NDUFAF2: variants seen among roughly 807,000 people sequenced by gnomAD.
NDUFAF2 encodes NADH:ubiquinone oxidoreductase complex assembly factor 2.
In NDUFAF2, 13 loss-of-function variants were observed where a neutral mutation model predicts 22.8. That is an observed-to-expected ratio of 0.57 (90% confidence interval 0.37 to 0.91). The LOEUF is 0.91. NDUFAF2 is among the 40% of genes least tolerant of loss of function. The pLI, the probability that NDUFAF2 is intolerant of heterozygous loss-of-function variation, is 0.01. For missense variants in NDUFAF2, 162 were observed against 195.2 expected, an observed-to-expected ratio of 0.83 and a Z score of 1.01; for synonymous variants, 53 against 64.2, an observed-to-expected ratio of 0.83 and a Z score of 0.84.
At chr5:61,018,484 CAGA>C (rs1199927718) in intron 1 of NDUFAF2, among the ~76,000 whole-genome samples, 2 of 152,026 alleles carry the variant, frequency 1.3e-5, no homozygotes, top group East Asian at 1.9e-4. Flanking sequence ...GAACTGTGCC[CAGA>C]AGATTATTAA....
intron 1 of NDUFAF2, among the ~76,000 whole-genome samples, chr5:60,961,961 T>TAA (rs539647979): frequency 2.0e-4 from 29 of 142,640 alleles, no homozygotes; most frequent in African/African-American, 6.9e-4. Context: ...ACTCTTTCTC[T>TAA]AAAAAAAAAA....
chr5:61,060,074 G>C (rs559958543), intron 1 of NDUFAF2, among the ~76,000 whole-genome samples: 10 of 152,236 alleles, frequency 6.6e-5, no homozygotes, highest in African/African-American at 2.2e-4. Flanking sequence ...TTAATCAGCT[G>C]TGAACATTTG....
chr5:60,954,769 T>A (rs578111290), intron 1 of NDUFAF2, among the ~76,000 whole-genome samples: 3 of 151,922 alleles, frequency 2.0e-5, no homozygotes, highest in African/African-American at 7.2e-5. Context: ...TTTTAAATAG[T>A]AGCCATCCTA....
chr5:60,950,485 A>C (rs1750529698), intron 1 of NDUFAF2, among the ~76,000 whole-genome samples: 1 of 152,056 alleles, frequency 6.6e-6, no homozygotes, highest in Non-Finnish European at 1.5e-5. Context: ...ACGCCTGGCC[A>C]CTACTCTTTC....
chr5:61,117,987 T>C (rs1421278271), intron 3 of NDUFAF2, among the ~76,000 whole-genome samples: 2 of 152,220 alleles, frequency 1.3e-5, no homozygotes, highest in Admixed American at 6.5e-5. Flanking sequence ...ACACAAAGAC[T>C]TCCTATGGGA....
chr5:61,071,871 C>G (rs2111730269), intron 1 of NDUFAF2, among the ~76,000 whole-genome samples: 1 of 152,280 alleles, frequency 6.6e-6, no homozygotes. Context: ...TTTGAAGCAA[C>G]CATTTTGATA....
intron 1 of NDUFAF2, among the ~76,000 whole-genome samples, chr5:61,003,245 G>A (rs162242): frequency 0.64 from 96,619 of 151,914 alleles, 31,154 homozygotes; most frequent in East Asian, 0.94. Context: ...TTTATTGATC[G>A]TTCCGTACTT....
intron 1 of NDUFAF2, among the ~76,000 whole-genome samples, chr5:61,029,912 G>A (rs531263919): frequency 9.9e-5 from 15 of 152,242 alleles, no homozygotes; most frequent in Non-Finnish European, 2.1e-4. Context: ...TAGAACCAGT[G>A]TATTTTGGCT....
At chr5:61,119,799 C>G (rs1368269196) in intron 3 of NDUFAF2, among the ~76,000 whole-genome samples, 2 of 152,206 alleles carry the variant, frequency 1.3e-5, no homozygotes, top group African/African-American at 4.8e-5. Context: ...TGCACATCTG[C>G]AAGTGTAACT....
At chr5:61,077,431 C>G (rs940019402) in intron 2 of NDUFAF2, among the ~76,000 whole-genome samples, 1 of 152,120 alleles carries the variant, frequency 6.6e-6, no homozygotes, top group African/African-American at 2.4e-5. Context: ...AATACAGGAA[C>G]TATTTTGTCT....
chr5:60,971,381 G>T (rs1457246459), intron 1 of NDUFAF2, among the ~76,000 whole-genome samples: 2 of 151,608 alleles, frequency 1.3e-5, no homozygotes, highest in Non-Finnish European at 2.9e-5. Flanking sequence ...CCGCCTCCCG[G>T]GTTCACGCCA....
chr5:61,024,410 GTTTA>G (rs1441827083), intron 1 of NDUFAF2, among the ~76,000 whole-genome samples: 1 of 151,846 alleles, frequency 6.6e-6, no homozygotes, highest in African/African-American at 2.4e-5. Flanking sequence ...ATTTTAATAA[GTTTA>G]TTTGTTTTAG....
intron 1 of NDUFAF2, among the ~76,000 whole-genome samples, chr5:61,044,635 T>A (rs1751923924): frequency 6.6e-6 from 1 of 152,182 alleles, no homozygotes; most frequent in South Asian, 2.1e-4. Flanking sequence ...CAGTTGACTG[T>A]AATATGTGGT....
chr5:61,002,065 G>A (rs1220149398), intron 1 of NDUFAF2, among the ~76,000 whole-genome samples: 1 of 152,038 alleles, frequency 6.6e-6, no homozygotes, highest in African/African-American at 2.4e-5. Flanking sequence ...AAGAGATGAC[G>A]ATGAGAGCAG....
At chr5:61,011,488 G>A (rs1751441965) in intron 1 of NDUFAF2, among the ~76,000 whole-genome samples, 1 of 152,130 alleles carries the variant, frequency 6.6e-6, no homozygotes, top group South Asian at 2.1e-4. Context: ...GGCATCACCT[G>A]TTGTTTAGTG....
At chr5:61,043,226 A>T (rs1751904984) in intron 1 of NDUFAF2, among the ~76,000 whole-genome samples, 1 of 152,052 alleles carries the variant, frequency 6.6e-6, no homozygotes, top group Admixed American at 6.6e-5. Flanking sequence ...GTCTTGGGGG[A>T]AAAAAACAAA....
At chr5:61,125,472 G>C (rs1008431042) in intron 3 of NDUFAF2, among the ~76,000 whole-genome samples, 1 of 151,916 alleles carries the variant, frequency 6.6e-6, no homozygotes, top group African/African-American at 2.4e-5. Flanking sequence ...AAAATCTTTT[G>C]CATCATTCAC....
chr5:60,991,066 C>A (rs906964965), intron 1 of NDUFAF2, among the ~76,000 whole-genome samples: 1 of 152,128 alleles, frequency 6.6e-6, no homozygotes, highest in Non-Finnish European at 1.5e-5. Flanking sequence ...CCAATTAACA[C>A]TTTTGAACTA....
intron 1 of NDUFAF2, among the ~76,000 whole-genome samples, chr5:60,994,508 G>C (rs1244025668): frequency 2.0e-5 from 3 of 152,220 alleles, no homozygotes; most frequent in Non-Finnish European, 4.4e-5. Flanking sequence ...CCCTGGCCGT[G>C]CTTCCCTGCT....
Sources: allele counts gnomAD v4.1 joint callset (sites outside exome capture counted in the v4.1 genomes callset), GRCh38; gene constraint gnomAD v4.1.1; transcripts MANE v1.5; gene names NCBI Gene and HGNC (gene_info 2026-07-23, HGNC 2026-07-21).